Variants in CNTNAP2 observed in about 807,000 individuals in gnomAD.
CNTNAP2 encodes contactin associated protein 2.
CNTNAP2 carries 98 observed loss-of-function variants against 155.2 expected under a neutral mutation model. The observed-to-expected ratio is 0.63, with a 90% CI of 0.54 to 0.75. The LOEUF (loss-of-function observed/expected upper bound fraction) is 0.75. CNTNAP2 is among the 30% of genes least tolerant of loss of function. CNTNAP2 has a pLI of 0.00. For missense variants in CNTNAP2, 1,727 were observed against 1,688.1 expected, an observed-to-expected ratio of 1.02 and a Z score of -0.40; for synonymous variants, 651 against 631.2, an observed-to-expected ratio of 1.03 and a Z score of -0.47.
chr7:147,245,230 A>G (rs978840210), intron 8 of CNTNAP2, among the ~76,000 whole-genome samples: 1 of 152,194 alleles, frequency 6.6e-6, no homozygotes, highest in African/African-American at 2.4e-5. Context: ...TCATGCCATT[A>G]AATGAGAGGA....
chr7:146,395,829 GA>G (rs1563068455), intron 1 of CNTNAP2, among the ~76,000 whole-genome samples: 186 of 87,336 alleles, frequency 2.1e-3, no homozygotes, highest in South Asian at 6.6e-3. Flanking sequence ...AGATAGAGGA[GA>G]GAGAGAGAGA....
intron 1 of CNTNAP2, among the ~76,000 whole-genome samples, chr7:146,340,907 T>G (rs17170043): frequency 0.23 from 35,298 of 152,070 alleles, 8,555 homozygotes; most frequent in African/African-American, 0.62. Flanking sequence ...GGCAATTGAA[T>G]ATACTGACTG....
chr7:146,151,696 A>G (rs867245281), intron 1 of CNTNAP2, among the ~76,000 whole-genome samples: 1,943 of 40,190 alleles, frequency 0.048, 165 homozygotes, highest in African/African-American at 0.2. Context: ...ATATATATAT[A>G]TGTATATATA....
chr7:147,131,148 G>A (rs542935290), intron 7 of CNTNAP2, among the ~76,000 whole-genome samples: 2 of 145,344 alleles, frequency 1.4e-5, no homozygotes, highest in Admixed American at 6.9e-5. Context: ...ACATATACAT[G>A]TACCATATAC....
intron 1 of CNTNAP2, among the ~76,000 whole-genome samples, chr7:146,619,973 G>A (rs1041404612): frequency 1.3e-5 from 2 of 152,154 alleles, no homozygotes; most frequent in South Asian, 2.1e-4. Flanking sequence ...AAAATTAAAT[G>A]TAAACTTACG....
intron 2 of CNTNAP2, among the ~76,000 whole-genome samples, chr7:146,832,260 C>T (rs1222765196): frequency 6.6e-6 from 1 of 151,992 alleles, no homozygotes; most frequent in Non-Finnish European, 1.5e-5. Flanking sequence ...ATATTATTTT[C>T]AATGTTCAGA....
intron 9 of CNTNAP2, among the ~76,000 whole-genome samples, chr7:147,379,243 A>C (rs569840207): frequency 2.0e-4 from 30 of 152,106 alleles, no homozygotes; most frequent in South Asian, 1.0e-3. Flanking sequence ...AGTATATCTT[A>C]TTCTTTTCTT....
chr7:148,123,692 AAGAGAAAG>A (rs1413447146), intron 16 of CNTNAP2, among the ~76,000 whole-genome samples: 3 of 147,516 alleles, frequency 2.0e-5, no homozygotes, highest in Admixed American at 6.7e-5. Flanking sequence ...AGGAAAAAGA[AAGAGAAAG>A]AGAGAAACAG....
intron 8 of CNTNAP2, among the ~76,000 whole-genome samples, chr7:147,137,775 C>A (rs559403761): frequency 6.6e-6 from 1 of 151,808 alleles, no homozygotes; most frequent in Non-Finnish European, 1.5e-5. Flanking sequence ...TCATTTTGAA[C>A]AAATTCCGCA....
chr7:148,067,178 C>T (rs1205227330), intron 15 of CNTNAP2, among the ~76,000 whole-genome samples: 2 of 152,110 alleles, frequency 1.3e-5, no homozygotes, highest in Non-Finnish European at 2.9e-5. Flanking sequence ...AAGAAACTTG[C>T]TTTGTCATAT....
chr7:146,517,761 AG>A (rs1459440320), intron 1 of CNTNAP2, among the ~76,000 whole-genome samples: 1 of 151,972 alleles, frequency 6.6e-6, no homozygotes, highest in Non-Finnish European at 1.5e-5. Flanking sequence ...TTCAATTGAT[AG>A]CACAAAACAA....
chr7:147,047,861 C>T (rs765793807), intron 4 of CNTNAP2, among the ~76,000 whole-genome samples: 2 of 152,060 alleles, frequency 1.3e-5, no homozygotes, highest in Non-Finnish European at 2.9e-5. Context: ...AATCATATAG[C>T]TTTGGGAAAC....
At chr7:146,947,408 CTCTATATA>C (rs1458052404) in intron 3 of CNTNAP2, among the ~76,000 whole-genome samples, 22 of 123,466 alleles carry the variant, frequency 1.8e-4, no homozygotes, top group African/African-American at 5.8e-4. Context: ...CTCTCTCTCT[CTCTATATA>C]TATATATATA....
chr7:147,825,656 A>G (rs184809261), intron 13 of CNTNAP2, among the ~76,000 whole-genome samples: 142 of 152,334 alleles, frequency 9.3e-4, no homozygotes, highest in African/African-American at 3.2e-3. Context: ...CTGGGATAAT[A>G]TCTTTCACAA....
chr7:147,130,273 TA>T (rs1012510126), intron 7 of CNTNAP2, among the ~76,000 whole-genome samples: 14 of 150,314 alleles, frequency 9.3e-5, no homozygotes, highest in African/African-American at 3.2e-4. Context: ...AAATTAAAAT[TA>T]AAAAAATAAA....
chr7:147,280,284 A>ACAATAACAAAAGCC (rs1805003654), intron 8 of CNTNAP2, among the ~76,000 whole-genome samples: 1 of 151,888 alleles, frequency 6.6e-6, no homozygotes, highest in South Asian at 2.1e-4. Context: ...TTACAGGAAA[A>ACAATAACAAAAGCC]CAATAACAAA....
At chr7:148,388,181 A>G (rs1000961399) in intron 22 of CNTNAP2, among the ~76,000 whole-genome samples, 1 of 152,076 alleles carries the variant, frequency 6.6e-6, no homozygotes, top group African/African-American at 2.4e-5. Flanking sequence ...TTTAGGGTAC[A>G]TGTGCACATT....
chr7:146,170,018 C>CTTTTTTTTT (rs71175637), intron 1 of CNTNAP2, among the ~76,000 whole-genome samples: 3 of 126,968 alleles, frequency 2.4e-5, no homozygotes, highest in African/African-American at 2.9e-5. Context: ...CCTTTCTTTT[C>CTTTTTTTTT]TTTTTTTTTT....
chr7:146,830,130 C>T (rs929289490), intron 2 of CNTNAP2, among the ~76,000 whole-genome samples: 1 of 151,916 alleles, frequency 6.6e-6, no homozygotes, highest in African/African-American at 2.4e-5. Flanking sequence ...TTACTATAAT[C>T]GAATTTATAT....
Sources: allele counts gnomAD v4.1 joint callset (sites outside exome capture counted in the v4.1 genomes callset), GRCh38; gene constraint gnomAD v4.1.1; transcripts MANE v1.5; gene names NCBI Gene and HGNC (gene_info 2026-07-23, HGNC 2026-07-21).